SLC4A10: variants seen among roughly 807,000 people sequenced by gnomAD.
The protein encoded by SLC4A10 is sodium-driven chloride bicarbonate exchanger.
Under a neutral mutation model 137.7 loss-of-function variants are expected in SLC4A10, and 42 were observed. The ratio of observed to expected loss-of-function variants is 0.30; its 90% CI spans 0.24 to 0.39. SLC4A10 has a LOEUF of 0.39. SLC4A10 is among the 10% of genes least tolerant of loss of function. The pLI, the probability that SLC4A10 is intolerant of heterozygous loss-of-function variation, is 1.00. For missense variants in SLC4A10, 925 were observed against 1,355.0 expected (o/e 0.68, Z 4.98); for synonymous variants, 474 against 464.1 (o/e 1.02, Z -0.27).
At chr2:161,906,776 T>A (rs1191018156) in intron 15 of SLC4A10, among the ~76,000 whole-genome samples, 1 of 152,134 alleles carries the variant, frequency 6.6e-6, no homozygotes, top group Non-Finnish European at 1.5e-5. Flanking sequence ...ACCAAAATAG[T>A]GCAATGTTAT....
intron 23 of SLC4A10, among the ~76,000 whole-genome samples, chr2:161,969,153 C>A (rs1259413046): frequency 6.6e-6 from 1 of 152,302 alleles, no homozygotes; most frequent in East Asian, 1.9e-4. Context: ...ATGATAGATA[C>A]AAGCTTTTAC....
intron 2 of SLC4A10, among the ~76,000 whole-genome samples, chr2:161,780,621 T>G (rs1179771171): frequency 6.6e-6 from 1 of 152,090 alleles, no homozygotes; most frequent in African/African-American, 2.4e-5. Flanking sequence ...ACATTTCTAA[T>G]GCTTTCTTCA....
chr2:161,750,324 A>G (rs2048838399), intron 1 of SLC4A10, among the ~76,000 whole-genome samples: 1 of 151,544 alleles, frequency 6.6e-6, no homozygotes, highest in Non-Finnish European at 1.5e-5. Context: ...CTAGTCCTTG[A>G]GGTCTAAAGT....
At position 161,963,706 on chromosome 2, in the gene SLC4A10, A is replaced by G. The variant is rs147619608; in HGVS notation, c.2863-429A>G. ...TAGCAAGTCTGTGAAAGTCAAAGCC[A>G]TGGGTATGGATGAACTATTCCAGGA... On this transcript the variant is annotated intron_variant, in intron 21 of 26. Coordinates refer to ENST00000446997, the MANE Select transcript of SLC4A10 (RefSeq NM_001178015.2). 3.7e-4 allele frequency among the ~76,000 whole-genome samples: 57 copies of G among 152,318 alleles called. No homozygotes were observed. In the East Asian group the frequency reaches 4.2e-3, roughly 11 times the overall value.
At chr2:161,816,650 C>T (rs1315870076) in intron 3 of SLC4A10, among the ~76,000 whole-genome samples, 2 of 129,222 alleles carry the variant, frequency 1.5e-5, no homozygotes, top group African/African-American at 5.7e-5. Flanking sequence ...CCACAACAGT[C>T]CCCAGTGTGT....
At chr2:161,692,190 C>A (rs570098384) in intron 1 of SLC4A10, among the ~76,000 whole-genome samples, 1 of 151,862 alleles carries the variant, frequency 6.6e-6, no homozygotes, top group Non-Finnish European at 1.5e-5. Context: ...TGGTTCCACA[C>A]GTTAGAATGG....
chr2:161,939,750 A>C (rs1692329972), intron 15 of SLC4A10, among the ~76,000 whole-genome samples: 3 of 152,238 alleles, frequency 2.0e-5, no homozygotes, highest in South Asian at 4.1e-4. Flanking sequence ...AAATCTATAA[A>C]ATTCTGTAAA....
At chr2:161,782,113 G>A (rs1306269075) in intron 2 of SLC4A10, among the ~76,000 whole-genome samples, 2 of 152,038 alleles carry the variant, frequency 1.3e-5, no homozygotes, top group Non-Finnish European at 2.9e-5. Context: ...CTAGCTCAGA[G>A]CATAGAGCAA....
At chr2:161,718,069 C>G (rs903267384) in intron 1 of SLC4A10, among the ~76,000 whole-genome samples, 3 of 151,846 alleles carry the variant, frequency 2.0e-5, no homozygotes, top group Non-Finnish European at 4.4e-5. Flanking sequence ...ATCCATTTCT[C>G]CTAGATTTTC....
At chr2:161,635,458 A>T (rs998895618) in intron 1 of SLC4A10, among the ~76,000 whole-genome samples, 3 of 152,024 alleles carry the variant, frequency 2.0e-5, no homozygotes, top group African/African-American at 7.2e-5. Flanking sequence ...ATCTCAAAAA[A>T]CCGATGCTAT....
intron 1 of SLC4A10, among the ~76,000 whole-genome samples, chr2:161,684,510 G>A (rs2041185914): frequency 6.6e-6 from 1 of 152,168 alleles, no homozygotes; most frequent in Non-Finnish European, 1.5e-5. Flanking sequence ...AAGAGCTTGA[G>A]CAAGGACTTG....
chr2:161,824,130 A>T (rs529915878), intron 3 of SLC4A10, among the ~76,000 whole-genome samples: 27 of 152,146 alleles, frequency 1.8e-4, no homozygotes, highest in Non-Finnish European at 3.2e-4. Flanking sequence ...CCGTGTAGAA[A>T]CCCAGGAGCT....
chr2:161,777,918 C>A (rs143261150), intron 2 of SLC4A10, among the ~76,000 whole-genome samples: 2 of 152,016 alleles, frequency 1.3e-5, no homozygotes, highest in East Asian at 3.9e-4. Context: ...GTATAGGATG[C>A]CAACAGTTTT....
intron 3 of SLC4A10, among the ~76,000 whole-genome samples, chr2:161,836,761 T>G (rs1351726926): frequency 2.0e-5 from 3 of 151,556 alleles, no homozygotes; most frequent in Non-Finnish European, 4.4e-5. Context: ...CCCAAAATTA[T>G]TAAAAAGTAT....
intron 4 of SLC4A10, among the ~76,000 whole-genome samples, chr2:161,848,245 T>C (rs1312197229): frequency 6.6e-6 from 1 of 152,180 alleles, no homozygotes; most frequent in Non-Finnish European, 1.5e-5. Flanking sequence ...TTTTTGCTTG[T>C]TGATTTATTT....
At position 161,872,396 on chromosome 2, in the gene SLC4A10, TC is replaced by T. The variant is rs2061184227; in HGVS notation, c.858+15del. The T allele has an allele frequency of 1.9e-6, 3 of 1,603,198 alleles. No homozygotes were observed. The highest frequency in any genetic ancestry group is 2.6e-6 in the Non-Finnish European group (3 of 1,170,750). ...TTGACTTTAGCAAGGTGAGCTTTTCTCCCTCTCATCTAAGTAAGTTGCTAAA... is the reference window on the plus strand; with the variant it reads ...TTGACTTTAGCAAGGTGAGCTTTTCTCCTCTCATCTAAGTAAGTTGCTAAA... On this transcript the variant is annotated intron_variant, in intron 7 of 26. Transcript: ENST00000446997.
rs79189140 is a variant in SLC4A10, at chr2:161,885,873, C to T, written c.1194+3429C>T. 1.9e-3 allele frequency among the ~76,000 whole-genome samples: 286 copies of T among 152,202 alleles called. 2 individuals are homozygous for T. The highest frequency in any genetic ancestry group is 6.1e-3 in the African/African-American group (254 of 41,514). ...ATCCCAGAACTTTCAGAGCCTAAGG[C>T]GAGTGGATCACTTGATGTCACAAGT... On this transcript the variant is annotated intron_variant, in intron 10 of 26. Transcript: ENST00000446997.
Position 161,879,199 on chromosome 2 carries a change from G to A in SLC4A10, c.1017G>A (p.Leu339=). ...CATCGAACATCTTAGTGGGAGAACT[G>A]GAGTTCTTGGATCGAACAGTAGTTG... ...AEASNILVGE[L]EFLDRTVVAF... Residue 339 remains leucine (L), a synonymous_variant, in exon 9 of 27, where the codon CTG becomes CTA. Coordinates refer to ENST00000446997, the MANE Select transcript of SLC4A10 (RefSeq NM_001178015.2). The A allele has an allele frequency of 6.2e-7, 1 of 1,613,534 alleles. No individual in the cohort carries two copies. Among genetic ancestry groups the A allele is most frequent in the Admixed American group, 1.7e-5 (1 of 59,978 alleles).
At chr2:161,729,497 G>T (rs1239216868) in intron 1 of SLC4A10, among the ~76,000 whole-genome samples, 2 of 151,972 alleles carry the variant, frequency 1.3e-5, no homozygotes, top group East Asian at 3.9e-4. Flanking sequence ...AAAACTTATA[G>T]AAATATACAC....
Sources: gnomAD v4.1 joint callset for allele counts (sites outside exome capture counted in the v4.1 genomes callset) on GRCh38, gnomAD v4.1.1 for gene constraint, MANE v1.5 for transcripts, NCBI Gene and HGNC (gene_info 2026-07-23, HGNC 2026-07-21) for gene names.